The following ANAPC1 variants were observed in gnomAD, a reference collection of about 807,000 sequenced individuals.
The protein encoded by ANAPC1 is anaphase promoting complex subunit 1.
In ANAPC1, 36 loss-of-function variants were observed where a neutral mutation model predicts 208.0. The ratio of observed to expected loss-of-function variants is 0.17; its 90% confidence interval spans 0.13 to 0.23. The LOEUF is 0.23. Among genes scored for constraint, ANAPC1 ranks in the 10% least tolerant of loss-of-function variants. ANAPC1 has a pLI of 1.00. For synonymous variants in ANAPC1, 378 were observed against 695.2 expected (o/e 0.54, Z 7.18); for missense variants, 942 against 2,011.6 (o/e 0.47, Z 10.17).
At position 111,828,651 on chromosome 2, in the gene ANAPC1, G is replaced by A. The variant is rs557533253; in HGVS notation, c.2625+2635C>T. Among the ~76,000 whole-genome samples the A allele has an allele frequency of 4.6e-5, 7 of 152,322 alleles. No individual in the cohort carries two copies. The South Asian group carries it at 1.4e-3, about 32-fold the overall frequency. On this transcript the variant is annotated intron_variant, in intron 21 of 47. Coordinates refer to ENST00000341068, the MANE Select transcript of ANAPC1 (RefSeq NM_022662.4). ...TAATTTTGATACATGCTACAATATGGATGAACATTGAAAACATTATGCTAA... is the reference window on the plus strand; with the variant it reads ...TAATTTTGATACATGCTACAATATGAATGAACATTGAAAACATTATGCTAA...
chr2:111,864,329 A>AGATGATGATGATGATGAT (rs200879980), intron 8 of ANAPC1, among the ~76,000 whole-genome samples: 2 of 110,702 alleles, frequency 1.8e-5, no homozygotes, highest in South Asian at 3.5e-4. Context: ...CTGTCTCTAG[A>AGATGATGATGATGATGAT]GATGATGATG....
At chr2:111,835,578 C>T (rs1680419236) in intron 18 of ANAPC1, among the ~76,000 whole-genome samples, 1 of 152,148 alleles carries the variant, frequency 6.6e-6, no homozygotes, top group African/African-American at 2.4e-5. Context: ...GTGGCTCATG[C>T]CTGTAATCCC....
intron 16 of ANAPC1, among the ~76,000 whole-genome samples, chr2:111,846,834 T>C (rs1681114919): frequency 6.6e-6 from 1 of 151,974 alleles, no homozygotes. Flanking sequence ...TCTCACAAAG[T>C]GTTGGGATTA....
intron 14 of ANAPC1, among the ~76,000 whole-genome samples, chr2:111,850,545 G>A (rs1441660078): frequency 6.6e-6 from 1 of 150,686 alleles, no homozygotes; most frequent in Non-Finnish European, 1.5e-5. Flanking sequence ...CCACACAATT[G>A]TGAGATCCCT....
chr2:111,788,968 C>T (rs1265541480), intron 38 of ANAPC1, among the ~76,000 whole-genome samples: 15 of 152,208 alleles, frequency 9.9e-5, no homozygotes, highest in Non-Finnish European at 1.8e-4. Context: ...GAAACCCCAT[C>T]TCTACTAAAA....
At chr2:111,820,243 G>C (rs1421626968) in intron 26 of ANAPC1, among the ~76,000 whole-genome samples, 14 of 152,038 alleles carry the variant, frequency 9.2e-5, no homozygotes, top group African/African-American at 3.4e-4. Context: ...ACTATGTATT[G>C]AGCAGTATTC....
At chr2:111,833,167 C>A in intron 20 of ANAPC1, 53 bp downstream of exon 20, 4 of 1,529,390 alleles carry the variant, frequency 2.6e-6, no homozygotes, top group East Asian at 2.3e-5. Context: ...GAGAAAGATA[C>A]AAGGAAATAT....
chr2:111,863,991 C>T, intron 8 of ANAPC1, 96 bp from the exon 9 acceptor site: 2 of 1,380,922 alleles, frequency 1.4e-6, no homozygotes, highest in Admixed American at 5.5e-5. Flanking sequence ...AAGTCAGTTA[C>T]TAAAGACACA....
In ANAPC1 at chr2:111,808,142, A is replaced by T. The variant is rs537078018; in HGVS notation, c.3832+805T>A. Among the ~76,000 whole-genome samples, 640 of 150,624 alleles carry T rather than the reference A, an allele frequency of 4.2e-3. 6 individuals are homozygous for T. The highest frequency in any genetic ancestry group is 0.015 in the African/African-American group (620 of 41,150). On this transcript the variant is annotated intron_variant, in intron 29 of 47. Transcript: ENST00000341068. Reference sequence around the variant, plus strand: ...ACGGCAGCAGAACAGCCGGCTACACATCTACAGCCTAAAGCAGAGCTGCCT... The same window carrying T: ...ACGGCAGCAGAACAGCCGGCTACACTTCTACAGCCTAAAGCAGAGCTGCCT...
chr2:111,807,658 C>G (rs1678754826), intron 29 of ANAPC1, among the ~76,000 whole-genome samples: 1 of 151,986 alleles, frequency 6.6e-6, no homozygotes, highest in South Asian at 2.1e-4. Context: ...CACCACTGTA[C>G]TCCAGGCTGG....
At chr2:111,855,937 T>TA (rs1402257748) in intron 13 of ANAPC1, among the ~76,000 whole-genome samples, 3 of 152,154 alleles carry the variant, frequency 2.0e-5, no homozygotes, top group African/African-American at 7.2e-5. Context: ...TCACAAATGT[T>TA]AAAAAATACA....
intron 24 of ANAPC1, among the ~76,000 whole-genome samples, chr2:111,824,564 A>C (rs1679727051): frequency 1.3e-5 from 2 of 152,128 alleles, no homozygotes; most frequent in Non-Finnish European, 2.9e-5. Context: ...AAGTGCATTT[A>C]TCCTTCAAAA....
At chr2:111,796,723 G>C (rs1050865185) in intron 34 of ANAPC1, among the ~76,000 whole-genome samples, 1 of 116,770 alleles carries the variant, frequency 8.6e-6, no homozygotes, top group South Asian at 2.5e-4. Flanking sequence ...AGTTTACAAA[G>C]TGACCTTTAA....
At chr2:111,832,609 A>C (rs988339876) in intron 20 of ANAPC1, among the ~76,000 whole-genome samples, 1 of 152,196 alleles carries the variant, frequency 6.6e-6, no homozygotes. Context: ...TAGTGGTACT[A>C]ACTGTACACT....
rs1399677615 is a variant in ANAPC1 at position 111,849,813 on chromosome 2, A to G, written c.1650+963T>C. On this transcript the variant is annotated intron_variant, in intron 14 of 47. Coordinates refer to ENST00000341068, the MANE Select transcript of ANAPC1 (RefSeq NM_022662.4). ...GAGGCTAACCGGTCTCCTTATCTTTAATCCCAAAATACACCTATTTACAAC... is the reference window on the plus strand; with the variant it reads ...GAGGCTAACCGGTCTCCTTATCTTTGATCCCAAAATACACCTATTTACAAC... 4.6e-5 allele frequency among the ~76,000 whole-genome samples: 7 copies of G among 151,656 alleles called. No homozygotes were observed. In the East Asian group the frequency reaches 1.4e-3, roughly 29 times the overall value.
At chr2:111,770,568 TA>T (rs1676682814) in intron 47 of ANAPC1, among the ~76,000 whole-genome samples, 5 of 150,704 alleles carry the variant, frequency 3.3e-5, no homozygotes, top group Admixed American at 3.3e-4. Context: ...CATGCATGTT[TA>T]TTTTTTTTTC....
intron 1 of ANAPC1, 168 bp from the exon 2 acceptor site, chr2:111,881,017 A>C (rs1344741692): frequency 1.7e-6 from 1 of 598,948 alleles, no homozygotes; most frequent in African/African-American, 1.9e-5. Flanking sequence ...TCTGATTCAG[A>C]CAGTTGCAAT....
chr2:111,822,992 TTTTTA>T (rs1679616573), intron 24 of ANAPC1, among the ~76,000 whole-genome samples: 1 of 140,296 alleles, frequency 7.1e-6, no homozygotes, highest in South Asian at 2.2e-4. Context: ...ATAATAATTC[TTTTTA>T]TTCTTTTTTT....
At chr2:111,841,907 G>A (rs897513058) in intron 17 of ANAPC1, among the ~76,000 whole-genome samples, 2 of 152,146 alleles carry the variant, frequency 1.3e-5, no homozygotes, top group African/African-American at 2.4e-5. Context: ...AGCTGGCAAA[G>A]GTTCACCACA....
Sources: allele counts gnomAD v4.1 joint callset (sites outside exome capture counted in the v4.1 genomes callset), GRCh38; gene constraint gnomAD v4.1.1; transcripts MANE v1.5; gene names NCBI Gene and HGNC (gene_info 2026-07-23, HGNC 2026-07-21).